NIPAL3: variants seen among roughly 807,000 people sequenced by gnomAD.
The protein encoded by NIPAL3 is NIPA-like protein 3.
NIPAL3 carries 41 observed loss-of-function variants against 47.2 expected under a neutral mutation model. The ratio of observed to expected loss-of-function variants is 0.87; its 90% confidence interval spans 0.68 to 1.13. The LOEUF is 1.13. Among genes scored for constraint, NIPAL3 ranks in the 50% most tolerant of loss-of-function variants. The pLI, the probability that NIPAL3 is intolerant of heterozygous loss-of-function variation, is 0.00. For missense variants in NIPAL3, 449 were observed against 530.1 expected (o/e 0.85, Z 1.50); for synonymous variants, 194 against 209.6 (o/e 0.93, Z 0.64).
At chr1:24,453,333 C>G in intron 6 of NIPAL3, 75 bp from the exon 7 acceptor site, 1 of 1,005,026 alleles carries the variant, frequency 9.9e-7, no homozygotes, top group South Asian at 1.3e-5. Flanking sequence ...TGGTGATGGC[C>G]CAGCCCACCA....
intron 2 of NIPAL3, among the ~76,000 whole-genome samples, chr1:24,432,848 G>A (rs1379848855): frequency 6.6e-6 from 1 of 152,206 alleles, no homozygotes; most frequent in African/African-American, 2.4e-5. Context: ...TTTACAACAA[G>A]GCTAGTCTGT....
At chr1:24,427,648 A>G (rs2148766213) in intron 2 of NIPAL3, among the ~76,000 whole-genome samples, 1 of 152,258 alleles carries the variant, frequency 6.6e-6, no homozygotes, top group East Asian at 1.9e-4. Flanking sequence ...AATTATCATC[A>G]AGAGGCTGGA....
At chr1:24,433,997 CAT>C (rs1557498698) in intron 2 of NIPAL3, among the ~76,000 whole-genome samples, 1 of 151,904 alleles carries the variant, frequency 6.6e-6, no homozygotes, top group East Asian at 1.9e-4. Flanking sequence ...CACTAGAAAA[CAT>C]ATCTATTTAC....
In NIPAL3 at chr1:24,415,921, A is replaced by G; in HGVS notation, c.-258+17A>G. 1.0e-6 allele frequency: 1 copy of G among 984,942 alleles called. No individual in the cohort carries two copies. Among genetic ancestry groups the G allele is most frequent in the Non-Finnish European group, 1.2e-6 (1 of 829,482 alleles). The allele number at this position is 984,942 out of a possible 1,614,324, so 61.0% of individuals were successfully genotyped here. ...ACGCCGCCGGTGAGTAGTGATTAAC[A>G]CCGGGAGGAAGGGGAATTGAATTTA... On this transcript the variant is annotated intron_variant, in intron 1 of 11. Transcript: ENST00000374399.
At position 24,449,720 on chromosome 1, in the gene NIPAL3, C is replaced by A. The variant is rs915873494; in HGVS notation, c.540+94C>A. 2 of 1,331,936 alleles carry A rather than the reference C, an allele frequency of 1.5e-6. No individual in the cohort carries two copies. Among genetic ancestry groups the A allele is most frequent in the South Asian group, 1.4e-5 (1 of 72,162 alleles). 82.5% of individuals were successfully genotyped at this position (1,331,936 alleles called of 1,614,324 possible). On this transcript the variant is annotated intron_variant, in intron 6 of 11. Coordinates refer to ENST00000374399, the MANE Select transcript of NIPAL3 (RefSeq NM_020448.5). This position sits in a 1 kb window ranked among gnomAD's most constrained non-coding sequence, Gnocchi z 4.5. The stretch of plus-strand genomic sequence containing the variant: ...GTGAATACCCAGCAATAGGGGATTC[C>A]GTGAGTTGCGGCACATTTTACCAGC...
chr1:24,464,205 G>A, intron 11 of NIPAL3, 85 bp downstream of exon 11: 2 of 992,154 alleles, frequency 2.0e-6, no homozygotes, highest in East Asian at 2.6e-5. Flanking sequence ...ACCAACTGCT[G>A]TGCTGTGCCT....
chr1:24,429,011 A>G (rs776237345), intron 2 of NIPAL3, among the ~76,000 whole-genome samples: 1 of 151,942 alleles, frequency 6.6e-6, no homozygotes, highest in Non-Finnish European at 1.5e-5. Flanking sequence ...TTAGTCAACC[A>G]CTCATCTGAG....
chr1:24,434,813 A>T (rs922865684), intron 2 of NIPAL3, among the ~76,000 whole-genome samples: 1 of 152,188 alleles, frequency 6.6e-6, no homozygotes, highest in Non-Finnish European at 1.5e-5. Flanking sequence ...ATTCACAAAC[A>T]TGTATAAATT....
intron 2 of NIPAL3, among the ~76,000 whole-genome samples, chr1:24,430,258 T>C (rs963039149): frequency 1.3e-5 from 2 of 150,752 alleles, no homozygotes; most frequent in African/African-American, 2.5e-5. Flanking sequence ...TTCCTTTTTT[T>C]TGAGACAGAG....
intron 2 of NIPAL3, among the ~76,000 whole-genome samples, chr1:24,428,251 A>C (rs11249111): frequency 4.6e-5 from 6 of 129,982 alleles, no homozygotes; most frequent in Non-Finnish European, 6.5e-5. Flanking sequence ...ACCCTGTCTC[A>C]AAAAGAAAGA....
At chr1:24,462,091 G>A (rs1017551690) in intron 10 of NIPAL3, among the ~76,000 whole-genome samples, 8 of 152,166 alleles carry the variant, frequency 5.3e-5, no homozygotes, top group Admixed American at 2.6e-4. Context: ...AAGCAAACAC[G>A]TCCTTCTTCA....
intron 2 of NIPAL3, among the ~76,000 whole-genome samples, chr1:24,432,018 A>C (rs955174049): frequency 2.0e-5 from 3 of 152,080 alleles, no homozygotes; most frequent in Non-Finnish European, 2.9e-5. Flanking sequence ...AGTTCAATGT[A>C]TGTTATGTGA....
At chr1:24,455,650 TGTC>T (rs1169434320) in intron 7 of NIPAL3, among the ~76,000 whole-genome samples, 2 of 151,876 alleles carry the variant, frequency 1.3e-5, no homozygotes, top group Non-Finnish European at 2.9e-5. Context: ...GAGACCCTGT[TGTC>T]CACAAAAAGG....
chr1:24,463,532 A>G (rs762167650), intron 10 of NIPAL3, among the ~76,000 whole-genome samples: 3 of 152,182 alleles, frequency 2.0e-5, no homozygotes, highest in Non-Finnish European at 2.9e-5. Flanking sequence ...ATGCTTGTTT[A>G]TGTAAGCTAT....
At chr1:24,458,061 G>A (rs958253811) in intron 8 of NIPAL3, among the ~76,000 whole-genome samples, 5 of 152,234 alleles carry the variant, frequency 3.3e-5, no homozygotes, top group African/African-American at 1.2e-4. Context: ...TCAGCACACA[G>A]AGATGATGAG....
At chr1:24,437,017 C>T (rs950375789) in intron 2 of NIPAL3, among the ~76,000 whole-genome samples, 4 of 151,918 alleles carry the variant, frequency 2.6e-5, no homozygotes, top group South Asian at 2.1e-4. Flanking sequence ...TTTGGGAGGC[C>T]GAAGCGGTCG....
In NIPAL3 at chr1:24,445,223, T is replaced by C; in HGVS notation, c.373T>C (p.Trp125Arg). Residue 125 changes from tryptophan (W) to arginine (R), a missense_variant, in exon 5 of 12, where the codon TGG becomes CGG. Coordinates refer to ENST00000374399, the MANE Select transcript of NIPAL3 (RefSeq NM_020448.5). ...IIGIIFIKEK[W>R]KPKDFLRRYV... The stretch of plus-strand genomic sequence containing the variant: ...AGGAATCATATTCATCAAGGAAAAG[T>C]GGAAACCGAAAGACTTTCTGAGTAA... The C allele has an allele frequency of 1.3e-5, 21 of 1,612,096 alleles. No individual in the cohort carries two copies. Among genetic ancestry groups the C allele is most frequent in the Non-Finnish European group, 1.7e-5 (20 of 1,178,152 alleles).
chr1:24,424,353 G>C (rs752352448), intron 2 of NIPAL3, among the ~76,000 whole-genome samples: 1 of 152,168 alleles, frequency 6.6e-6, no homozygotes, highest in Non-Finnish European at 1.5e-5. Context: ...CCCTCCCAAC[G>C]GCTGTGTGGA....
Position 24,451,090 on chromosome 1 carries a change from A to C in NIPAL3, c.540+1464A>C, listed in dbSNP as rs989793348. The stretch of plus-strand genomic sequence containing the variant: ...TTTCCCTCTCTGTAAAGTGGCAAGA[A>C]TCTCTGGACTTAAAATTGCTATTGG... On this transcript the variant is annotated intron_variant, in intron 6 of 11. Coordinates refer to ENST00000374399, the MANE Select transcript of NIPAL3 (RefSeq NM_020448.5). The surrounding 1 kb of genome is among the most constrained non-coding windows in gnomAD (Gnocchi z 4.5). Among the ~76,000 whole-genome samples the C allele has an allele frequency of 6.6e-6, 1 of 152,236 alleles. No homozygotes were observed. The highest frequency in any genetic ancestry group is 2.4e-5 in the African/African-American group (1 of 41,456).
Sources: allele counts gnomAD v4.1 joint callset (sites outside exome capture counted in the v4.1 genomes callset), GRCh38; gene constraint gnomAD v4.1.1; non-coding constraint Gnocchi (gnomAD v3.1); transcripts MANE v1.5; gene names NCBI Gene and HGNC (gene_info 2026-07-23, HGNC 2026-07-21).